The following PCDHA7 variants were observed in gnomAD, a reference collection of about 807,000 sequenced individuals.
PCDHA7 encodes protocadherin alpha 7, also known as protocadherin alpha-7.
PCDHA7 carries 37 observed loss-of-function variants against 57.2 expected under a neutral mutation model. The ratio of observed to expected loss-of-function variants is 0.65; its 90% CI spans 0.50 to 0.85. PCDHA7 has a LOEUF of 0.85. Ranked by LOEUF, PCDHA7 falls within the 40% of genes least tolerant of loss-of-function variation. The pLI is 0.00. For missense variants in PCDHA7, 1,188 were observed against 1,241.8 expected, an observed-to-expected ratio of 0.96 and a Z score of 0.65; for synonymous variants, 553 against 558.8, an observed-to-expected ratio of 0.99 and a Z score of 0.15.
In PCDHA7 at chr5:140,843,038, AC is replaced by A. The variant is rs1778505968; in HGVS notation, c.2355+6301del. On this transcript the variant is annotated intron_variant, in intron 1 of 3. Coordinates refer to ENST00000525929, the MANE Select transcript of PCDHA7 (RefSeq NM_018910.3). Reference sequence around the variant, plus strand: ...ACTGCTGGAGCCTCGGGTGGGTGGCACTGGTGGCGCAGCGAGCAAGCTGGTG... The same window carrying A: ...ACTGCTGGAGCCTCGGGTGGGTGGCATGGTGGCGCAGCGAGCAAGCTGGTG... 4.4e-6 allele frequency: 7 copies of A among 1,595,166 alleles called. 1 individual carries two copies. The highest frequency in any genetic ancestry group is 6.0e-6 in the Non-Finnish European group (7 of 1,165,358).
intron 1 of PCDHA7, among the ~76,000 whole-genome samples, chr5:140,925,210 C>T (rs1319343041): frequency 2.0e-5 from 3 of 152,122 alleles, no homozygotes; most frequent in African/African-American, 7.2e-5. Context: ...ATTATCGATA[C>T]TTTTAGGCAG....
intron 1 of PCDHA7, among the ~76,000 whole-genome samples, chr5:140,898,790 AT>A (rs1193457354): frequency 2.6e-5 from 4 of 152,112 alleles, no homozygotes; most frequent in African/African-American, 7.2e-5. Flanking sequence ...CAGTATGGCC[AT>A]TTTCACGATA....
In PCDHA7 at chr5:140,843,327, T is replaced by C. The variant is rs2150357538; in HGVS notation, c.2355+6589T>C. On this transcript the variant is annotated intron_variant, in intron 1 of 3. Coordinates refer to ENST00000525929, the MANE Select transcript of PCDHA7 (RefSeq NM_018910.3). ...GCCACGGCCACGGTTCTGGTGTCGC[T>C]GGTGGAGAGCGGCCAGGCTCCAAAA... 16 of 1,595,936 alleles carry C rather than the reference T, an allele frequency of 1.0e-5. No individual in the cohort carries two copies. In the South Asian group the frequency reaches 1.5e-4, roughly 15 times the overall value.
rs114871728 is a variant in PCDHA7, at chr5:140,922,694, C to T, written c.2356-56255C>T. The stretch of plus-strand genomic sequence containing the variant: ...GTAAAAAAGTGAACAGGCTCTGCTT[C>T]CATACAGTCAAGAACAAAAAGAAAC... On this transcript the variant is annotated intron_variant, in intron 1 of 3. Transcript: ENST00000525929. Among the ~76,000 whole-genome samples, 1,199 of 152,172 alleles carry T rather than the reference C, an allele frequency of 7.9e-3. 5 individuals carry two copies. The highest frequency in any genetic ancestry group is 0.018 in the African/African-American group (768 of 41,520).
intron 1 of PCDHA7, chr5:140,862,723 C>T: frequency 1.8e-6 from 1 of 568,234 alleles, no homozygotes; most frequent in East Asian, 4.8e-5. Flanking sequence ...CGAGTGCGCG[C>T]TGTCTAGCTA....
chr5:140,985,759 T>TTTTA (rs2097169056), intron 3 of PCDHA7, among the ~76,000 whole-genome samples: 2 of 149,086 alleles, frequency 1.3e-5, no homozygotes, highest in East Asian at 2.0e-4. Context: ...TTTTTTTTTT[T>TTTTA]GAGACAGTCT....
chr5:140,884,733 T>C lies in PCDHA7; in HGVS notation c.2355+47995T>C, dbSNP rs782206169. On this transcript the variant is annotated intron_variant, in intron 1 of 3. Transcript: ENST00000525929. ...TCCTTGCAGTTGTTTGTTTAAGACA[T>C]CTTTCCTGCCAATTTCAAATTATTC... 1.1e-4 allele frequency: 158 copies of C among 1,448,002 alleles called. No homozygotes were observed. The Middle Eastern group carries it at 1.8e-3, about 17-fold the overall frequency. The allele number at this position is 1,448,002 out of a possible 1,614,324, so 89.7% of individuals were successfully genotyped here. A position where few individuals can be genotyped will look rare whatever the true frequency, so the allele number is the denominator to read the frequency against.
chr5:140,852,889 T>G lies in PCDHA7; in HGVS notation c.2355+16151T>G. On this transcript the variant is annotated intron_variant, in intron 1 of 3. Transcript: ENST00000525929. ...TCATCAATAATCATAAAACGTATTT[T>G]TTTTTTTGAGTCAGAGTCTCGCTCT... is the stretch of plus-strand genomic sequence containing the variant. The G allele has an allele frequency of 2.2e-6, 2 of 920,480 alleles. 1 individual carries two copies. The highest frequency in any genetic ancestry group is 2.6e-6 in the Non-Finnish European group (2 of 757,628). The allele number at this position is 920,480 out of a possible 1,614,324, so 57.0% of individuals were successfully genotyped here.
chr5:140,974,975 T>A (rs782637911), intron 1 of PCDHA7, among the ~76,000 whole-genome samples: 1 of 152,222 alleles, frequency 6.6e-6, no homozygotes, highest in African/African-American at 2.4e-5. Context: ...GTGGCTGAGT[T>A]GTCCGCTCAG....
At chr5:140,972,005 C>T (rs1236779874) in intron 1 of PCDHA7, among the ~76,000 whole-genome samples, 1 of 151,980 alleles carries the variant, frequency 6.6e-6, no homozygotes, top group Admixed American at 6.6e-5. Flanking sequence ...GTTTATATTC[C>T]CTTTTATATG....
At chr5:140,991,409 T>C (rs1554252146) in intron 3 of PCDHA7, among the ~76,000 whole-genome samples, 2 of 152,232 alleles carry the variant, frequency 1.3e-5, no homozygotes, top group Non-Finnish European at 1.5e-5. Flanking sequence ...TTTCCCATTA[T>C]GCTATAACAA....
Position 140,835,125 on chromosome 5 carries a change from A to G in PCDHA7, c.742A>G (p.Thr248Ala). The change falls in exon 1 of 4, where the codon ACG becomes GCG. Residue 248 changes from threonine (T) to alanine (A), a missense_variant. By Grantham distance (58) the Thr-to-Ala change is moderately conservative. Transcript: ENST00000525929. ...CCCAGTGTTCGACAGAACCCTGTAT[A>G]CGGTGAAATTACCAGAAAACGTTTC... ...NAPVFDRTLY[T>A]VKLPENVSIG... 1 of 1,331,534 alleles carries G rather than the reference A, an allele frequency of 7.5e-7. No homozygotes were observed. Among genetic ancestry groups the G allele is most frequent in the South Asian group, 1.4e-5 (1 of 72,152 alleles). 82.5% of individuals were successfully genotyped at this position (1,331,534 alleles called of 1,614,324 possible).
In PCDHA7 at chr5:140,836,285, A is replaced by G. The variant is rs1774338126; in HGVS notation, c.1902A>G (p.Thr634=). The G allele has an allele frequency of 6.2e-7, 1 of 1,613,756 alleles. No homozygotes were observed. Among genetic ancestry groups the G allele is most frequent in the Non-Finnish European group, 8.5e-7 (1 of 1,179,808 alleles). Reference sequence around the variant, plus strand: ...TGTACACTGGTGAGATCAGCACGACACGAGCCCTAGATGAGACGGACGCAC... The same window carrying G: ...TGTACACTGGTGAGATCAGCACGACGCGAGCCCTAGATGAGACGGACGCAC... The part of the protein sequence containing the change: ...VGLYTGEIST[T]RALDETDAPR... The change falls in exon 1 of 4, where the codon ACA becomes ACG. Residue 634 remains threonine, a synonymous_variant. Transcript: ENST00000525929.
intron 1 of PCDHA7, among the ~76,000 whole-genome samples, chr5:140,955,017 T>G (rs1157818120): frequency 6.6e-6 from 1 of 152,186 alleles, no homozygotes. Context: ...CCAGCACCAT[T>G]TATTAAATAG....
At chr5:140,942,239 T>A (rs1554214876) in intron 1 of PCDHA7, among the ~76,000 whole-genome samples, 1 of 152,156 alleles carries the variant, frequency 6.6e-6, no homozygotes, top group Admixed American at 6.6e-5. Flanking sequence ...AAATAAGATA[T>A]CCATATCATT....
chr5:140,936,867 T>TA (rs1471990778), intron 1 of PCDHA7, among the ~76,000 whole-genome samples: 5 of 152,214 alleles, frequency 3.3e-5, no homozygotes, highest in Admixed American at 2.6e-4. Context: ...GTTTCTATTT[T>TA]AAAAAACCCT....
intron 1 of PCDHA7, among the ~76,000 whole-genome samples, chr5:140,936,730 T>C (rs2091111568): frequency 6.6e-6 from 1 of 152,258 alleles, no homozygotes; most frequent in Non-Finnish European, 1.5e-5. Flanking sequence ...GTGTTAAATA[T>C]AGTAACTTTT....
chr5:140,902,783 G>A (rs1013396334), intron 1 of PCDHA7, among the ~76,000 whole-genome samples: 19 of 151,054 alleles, frequency 1.3e-4, no homozygotes, highest in Admixed American at 9.2e-4. Flanking sequence ...TCATAGCTTA[G>A]CTCTCACTTG....
intron 3 of PCDHA7, chr5:140,988,920 AACAAC>A (rs1245893791): frequency 6.6e-6 from 1 of 152,174 alleles, no homozygotes; most frequent in Non-Finnish European, 1.5e-5. Context: ...AGGAGAATAG[AACAAC>A]ACTGTTCTCT....
Sources: gnomAD v4.1 joint callset for allele counts (sites outside exome capture counted in the v4.1 genomes callset) on GRCh38, gnomAD v4.1.1 for gene constraint, MANE v1.5 for transcripts, NCBI Gene and HGNC (gene_info 2026-07-23, HGNC 2026-07-21) for gene names.